ERICH1: variants seen among roughly 807,000 people sequenced by gnomAD.
ERICH1 encodes glutamate rich 1, also known as glutamate-rich protein 1.
ERICH1 carries 56 observed loss-of-function variants against 39.6 expected under a neutral mutation model. The ratio of observed to expected loss-of-function variants is 1.41; its 90% CI spans 1.14 to 1.77. The LOEUF is 1.77. Among genes scored for constraint, ERICH1 ranks in the 40% most tolerant of loss-of-function variants. The probability of loss-of-function intolerance (pLI) is 0.00; values close to 1 mark genes in which losing one functional copy is unlikely to be tolerated. For synonymous variants in ERICH1, 313 were observed against 223.6 expected, an observed-to-expected ratio of 1.40 and a Z score of -3.57; for missense variants, 826 against 575.4, an observed-to-expected ratio of 1.44 and a Z score of -4.45.
At chr8:720,265 ACGAG>A (rs1816992004) in intron 1 of ERICH1, among the ~76,000 whole-genome samples, 5 of 152,278 alleles carry the variant, frequency 3.3e-5, no homozygotes, top group African/African-American at 1.2e-4. Flanking sequence ...ACGAGGAAGG[ACGAG>A]GAAACACACC....
intron 3 of ERICH1, chr8:625,665 C>T (rs936237550): frequency 5.9e-5 from 9 of 152,126 alleles, no homozygotes; most frequent in South Asian, 4.1e-4. Context: ...TAACAAAGGA[C>T]GGAACTCACA....
intron 3 of ERICH1, among the ~76,000 whole-genome samples, chr8:637,837 C>G (rs1390222596): frequency 2.0e-5 from 3 of 152,208 alleles, no homozygotes; most frequent in Non-Finnish European, 4.4e-5. Flanking sequence ...CTGTAGTCAC[C>G]AGCCGTGCGA....
intron 2 of ERICH1, among the ~76,000 whole-genome samples, chr8:697,547 C>T (rs562121891): frequency 2.8e-4 from 43 of 152,316 alleles, no homozygotes; most frequent in Non-Finnish European, 5.0e-4. Flanking sequence ...CCTCCTGCCT[C>T]CCTGTCAAAT....
chr8:709,076 A>C (rs1814107658), intron 2 of ERICH1, among the ~76,000 whole-genome samples: 2 of 152,178 alleles, frequency 1.3e-5, no homozygotes, highest in Non-Finnish European at 2.9e-5. Flanking sequence ...TCAATATACT[A>C]AAAAGCAGTA....
chr8:681,788 G>A (rs1806180332), intron 3 of ERICH1, among the ~76,000 whole-genome samples: 1 of 152,196 alleles, frequency 6.6e-6, no homozygotes, highest in Non-Finnish European at 1.5e-5. Context: ...AGACTGCCCG[G>A]CTGAGCCTTC....
At chr8:670,500 C>T (rs1054902383) in intron 4 of ERICH1, among the ~76,000 whole-genome samples, 1 of 152,184 alleles carries the variant, frequency 6.6e-6, no homozygotes. Flanking sequence ...ATCCCCTGGA[C>T]CGTGCAGGGA....
intron 3 of ERICH1, among the ~76,000 whole-genome samples, chr8:619,805 G>C (rs567332615): frequency 2.0e-5 from 3 of 152,202 alleles, no homozygotes; most frequent in African/African-American, 7.2e-5. Context: ...CATTCCACAG[G>C]AGTATGTTTC....
intron 3 of ERICH1, among the ~76,000 whole-genome samples, chr8:685,170 C>G (rs1354253628): frequency 1.3e-5 from 2 of 152,172 alleles, no homozygotes; most frequent in Admixed American, 6.5e-5. Flanking sequence ...CCTCCGTCCC[C>G]CCAGGAATGC....
At chr8:714,959 G>A (rs554100979) in intron 2 of ERICH1, among the ~76,000 whole-genome samples, 3 of 151,498 alleles carry the variant, frequency 2.0e-5, no homozygotes, top group Non-Finnish European at 2.9e-5. Flanking sequence ...CTCTTCCCAC[G>A]TCTCTCAGTT....
chr8:627,111 A>G (rs754330154), intron 3 of ERICH1: 3 of 456,236 alleles, frequency 6.6e-6, no homozygotes, highest in South Asian at 1.5e-5. Context: ...AGACACCTGC[A>G]TCAGTCAAGG....
chr8:648,711 G>C lies in ERICH1; in HGVS notation c.976+19887C>G, dbSNP rs1448925384. Among the ~76,000 whole-genome samples the C allele has an allele frequency of 5.8e-5, 4 of 68,470 alleles. 2 individuals are homozygous for C. Among genetic ancestry groups the C allele is most frequent in the African/African-American group, 1.5e-4 (4 of 27,120 alleles). The allele number at this position is 68,470 out of a possible 152,430, so 44.9% of individuals were successfully genotyped here. ...ATGCAGAAGAGCAAATCATGCTTCT[G>C]TGTTTTGCATTTTGAAAACATTGGA... On this transcript the variant is annotated intron_variant, in intron 3 of 3. Transcript: ENST00000522706.
At chr8:698,757 C>T (rs761420210) in intron 2 of ERICH1, among the ~76,000 whole-genome samples, 52 of 152,126 alleles carry the variant, frequency 3.4e-4, no homozygotes, top group Non-Finnish European at 5.3e-4. Flanking sequence ...GGATTACAGG[C>T]GTGAGTCACT....
At chr8:721,759 C>A (rs989887789) in intron 1 of ERICH1, among the ~76,000 whole-genome samples, 1 of 152,158 alleles carries the variant, frequency 6.6e-6, no homozygotes, top group Admixed American at 6.5e-5. Context: ...AGAACATAAA[C>A]GAAAGGTTTT....
intron 2 of ERICH1, among the ~76,000 whole-genome samples, chr8:703,639 CCTT>C (rs1160492521): frequency 2.0e-4 from 30 of 152,258 alleles, no homozygotes; most frequent in Non-Finnish European, 2.2e-4. Flanking sequence ...TGTGAGAGAC[CCTT>C]CTTCTCCTCC....
At chr8:684,869 C>T (rs1426047193) in intron 3 of ERICH1, among the ~76,000 whole-genome samples, 4 of 152,128 alleles carry the variant, frequency 2.6e-5, no homozygotes, top group African/African-American at 9.7e-5. Flanking sequence ...GTATGGGTCA[C>T]AGAGATCACA....
intron 3 of ERICH1, among the ~76,000 whole-genome samples, chr8:631,548 T>C (rs1037915716): frequency 3.9e-5 from 6 of 152,152 alleles, no homozygotes; most frequent in African/African-American, 1.4e-4. Flanking sequence ...GAGGCCTGGG[T>C]GTGTCCTGAG....
intron 3 of ERICH1, among the ~76,000 whole-genome samples, chr8:687,597 G>C (rs936539676): frequency 2.6e-5 from 4 of 152,192 alleles, no homozygotes; most frequent in East Asian, 1.9e-4. Context: ...AGCAGGACTG[G>C]AGGGAGGCGG....
chr8:701,748 A>T (rs536852933), intron 2 of ERICH1, among the ~76,000 whole-genome samples: 2 of 152,344 alleles, frequency 1.3e-5, no homozygotes, highest in East Asian at 3.9e-4. Flanking sequence ...ATTAAAGATG[A>T]TGTCACATTA....
intron 3 of ERICH1, among the ~76,000 whole-genome samples, chr8:635,266 C>T (rs904062757): frequency 2.6e-5 from 4 of 152,180 alleles, no homozygotes; most frequent in Admixed American, 1.3e-4. Flanking sequence ...CCTTGAGTTG[C>T]GTCAGGTCCA....
Sources: gnomAD v4.1 joint callset for allele counts (sites outside exome capture counted in the v4.1 genomes callset) on GRCh38, gnomAD v4.1.1 for gene constraint, MANE v1.5 for transcripts, NCBI Gene and HGNC (gene_info 2026-07-23, HGNC 2026-07-21) for gene names.